The following RBM22 variants were observed in gnomAD, a reference collection of about 807,000 sequenced individuals.
The protein encoded by RBM22 is RNA binding motif protein 22.
A neutral mutation model predicts 50.1 loss-of-function variants in RBM22; 1 was observed. The ratio of observed to expected loss-of-function variants is 0.02; its 90% CI spans 0.01 to 0.09. The LOEUF is 0.09. RBM22 is among the 10% of genes least tolerant of loss of function. RBM22 has a pLI of 1.00. For missense variants in RBM22, 264 were observed against 529.3 expected, an observed-to-expected ratio of 0.50 and a Z score of 4.92; for synonymous variants, 152 against 179.0, an observed-to-expected ratio of 0.85 and a Z score of 1.20.
Position 150,691,559 on chromosome 5 carries a change from C to T in RBM22, c.*192G>A. 1 of 600,134 alleles carries T rather than the reference C, an allele frequency of 1.7e-6. No homozygotes were observed. Among genetic ancestry groups the T allele is most frequent in the Non-Finnish European group, 2.5e-6 (1 of 392,746 alleles). The allele number at this position is 600,134 out of a possible 1,614,324, so 37.2% of individuals were successfully genotyped here. A position where few individuals can be genotyped will look rare whatever the true frequency, so the allele number is the denominator to read the frequency against. On this transcript the variant is annotated 3_prime_UTR_variant, in exon 11 of 11. Coordinates refer to ENST00000199814, the MANE Select transcript of RBM22 (RefSeq NM_018047.3). Reference sequence around the variant, plus strand: ...CAGCAGTAACCAGATGTGTTAATGGCAGCTTATTTACGGTCCATCGATCCT... The same window carrying T: ...CAGCAGTAACCAGATGTGTTAATGGTAGCTTATTTACGGTCCATCGATCCT...
rs1176297148 is a variant in RBM22, at chr5:150,696,907, AG to A, written c.272-17del. The A allele has an allele frequency of 1.2e-6, 2 of 1,611,102 alleles. No individual in the cohort carries two copies. Among genetic ancestry groups the A allele is most frequent in the African/African-American group, 1.3e-5 (1 of 74,870 alleles). On this transcript the variant is annotated splice_polypyrimidine_tract_variant and intron_variant, in intron 4 of 10. Coordinates refer to ENST00000199814, the MANE Select transcript of RBM22 (RefSeq NM_018047.3). The surrounding 1 kb of genome is among the most constrained non-coding windows in gnomAD (Gnocchi z 4.3). ...ATGGGCAGGCCTGGTACAAAAAAAG[AG>A]GAAAAAGACCTCAGATGTATTTTAA...
intron 7 of RBM22, 35 bp from the exon 8 acceptor site, chr5:150,694,275 G>T (rs898897956): frequency 1.3e-6 from 2 of 1,596,026 alleles, no homozygotes; most frequent in Admixed American, 3.5e-5. Context: ...ATGAAAGTGG[G>T]AGTTAAAAAA....
intron 3 of RBM22, 90 bp from the exon 4 acceptor site, chr5:150,698,721 T>C: frequency 6.7e-7 from 1 of 1,485,322 alleles, no homozygotes; most frequent in Non-Finnish European, 9.1e-7. Flanking sequence ...CAAAAAAGGA[T>C]CCCTGAATGT....
intron 6 of RBM22, 62 bp from the exon 7 acceptor site, chr5:150,695,768 C>T: frequency 7.3e-7 from 1 of 1,365,786 alleles, no homozygotes; most frequent in Admixed American, 1.8e-5. Flanking sequence ...TGATTATCTT[C>T]CAAGAGTAGC....
chr5:150,693,033 G>A lies in RBM22; in HGVS notation c.1001-7C>T. 2 of 1,603,364 alleles carry A rather than the reference G, an allele frequency of 1.2e-6. No individual in the cohort carries two copies. On this transcript the variant is annotated splice_region_variant and splice_polypyrimidine_tract_variant and intron_variant, in intron 9 of 10. Coordinates refer to ENST00000199814, the MANE Select transcript of RBM22 (RefSeq NM_018047.3). ...GCAGGAGGAGGAGGAAGAGCTGGAGGAGAGAAAATAGTCAACACATAGAGG... is the reference window on the plus strand; with the variant it reads ...GCAGGAGGAGGAGGAAGAGCTGGAGAAGAGAAAATAGTCAACACATAGAGG...
At chr5:150,698,097 G>A (rs1759300499) in intron 4 of RBM22, among the ~76,000 whole-genome samples, 1 of 152,146 alleles carries the variant, frequency 6.6e-6, no homozygotes, top group African/African-American at 2.4e-5. Context: ...ACTCTAGCCT[G>A]GGTGTCAGAG....
chr5:150,700,562 TG>T (rs1267402162), intron 1 of RBM22, 65 bp from the exon 2 acceptor site: 3 of 1,610,592 alleles, frequency 1.9e-6, no homozygotes, highest in Non-Finnish European at 1.7e-6. Flanking sequence ...CAGTGACACT[TG>T]GGGTGGCGAG....
chr5:150,693,177 G>A (rs757608069), intron 9 of RBM22, 42 bp downstream of exon 9: 2 of 1,580,432 alleles, frequency 1.3e-6, no homozygotes, highest in Admixed American at 3.4e-5. Flanking sequence ...GGAACATCAG[G>A]GCAGAAAGAG....
In RBM22 at chr5:150,695,503, A is replaced by G; in HGVS notation, c.746+3T>C. On this transcript the variant is annotated splice_donor_region_variant and intron_variant, in intron 7 of 10. Transcript: ENST00000199814. ...AATAACTCTCTAACTTATACCCACA[A>G]ACCTTAAATCTGTCTCAGTAATGGT... The G allele has an allele frequency of 6.2e-7, 1 of 1,608,292 alleles. No individual in the cohort carries two copies. Among genetic ancestry groups the G allele is most frequent in the Non-Finnish European group, 8.5e-7 (1 of 1,175,860 alleles).
rs41287134 is a variant in RBM22 at position 150,696,984 on chromosome 5, C to T, written c.272-93G>A. 1 of 1,216,566 alleles carries T rather than the reference C, an allele frequency of 8.2e-7. No individual in the cohort carries two copies. Among genetic ancestry groups the T allele is most frequent in the Non-Finnish European group, 1.2e-6 (1 of 841,924 alleles). The allele number at this position is 1,216,566 out of a possible 1,614,324, so 75.4% of individuals were successfully genotyped here. A position where few individuals can be genotyped will look rare whatever the true frequency, so the allele number is the denominator to read the frequency against. On this transcript the variant is annotated intron_variant, in intron 4 of 10. Coordinates refer to ENST00000199814, the MANE Select transcript of RBM22 (RefSeq NM_018047.3). This position sits in a 1 kb window ranked among gnomAD's most constrained non-coding sequence, Gnocchi z 4.3. ...CAGAATACATCATCTTTCCCTTCTC[C>T]TCTTTCCTATTTAGTACCAGAGACT... is the stretch of plus-strand genomic sequence containing the variant.
chr5:150,699,365 C>T, intron 2 of RBM22, 94 bp from the exon 3 acceptor site: 1 of 1,429,776 alleles, frequency 7.0e-7, no homozygotes. Flanking sequence ...AGAAATGTGT[C>T]TGGAAATCCC....
Position 150,691,861 on chromosome 5 carries a change from G to A in RBM22, c.1153C>T (p.His385Tyr). 2 of 1,594,492 alleles carry A rather than the reference G, an allele frequency of 1.3e-6. No homozygotes were observed. The highest frequency in any genetic ancestry group is 1.7e-6 in the Non-Finnish European group (2 of 1,170,862). ...PPPGFGPHMF[H>Y]PMGPPPPFMR... ...AAAGGAGGGGGTGGTCCCATTGGGT[G>A]GAACATGTGTGGCCCAAAACCTGCA... The change falls in exon 11 of 11, where the codon CAC becomes TAC. Residue 385 changes from histidine to tyrosine, a missense_variant. By Grantham distance (83) the His-to-Tyr change is moderately conservative (BLOSUM62 2). Coordinates refer to ENST00000199814, the MANE Select transcript of RBM22 (RefSeq NM_018047.3).
Position 150,692,913 on chromosome 5 carries a change from C to A in RBM22, c.1114G>T (p.Ala372Ser). The part of the protein sequence containing the change: ...NIALPPPPGI[A>S]PPPPPGFGPH... ...AAGTTACCTGGGGGTGGGGGTGGAG[C>A]AATGCCAGGGGGCGGTGGCAGAGCA... Residue 372 changes from alanine to serine, a missense_variant, in exon 10 of 11, where the codon GCT becomes TCT. By Grantham distance (99) the Ala-to-Ser change is moderately conservative. Around this residue, in one of 7 missense-constraint regions of RBM22, gnomAD observed 106 missense variants for 137.1 expected, o/e 0.77. Transcript: ENST00000199814. 6.2e-7 allele frequency: 1 copy of A among 1,607,650 alleles called. No homozygotes were observed.
Position 150,696,414 on chromosome 5 carries a change from T to G in RBM22, c.545+119A>C. On this transcript the variant is annotated intron_variant, in intron 6 of 10. Transcript: ENST00000199814. This position sits in a 1 kb window ranked among gnomAD's most constrained non-coding sequence, Gnocchi z 4.3. Reference sequence around the variant, plus strand: ...TTTCATAGTTCTAAGACATGAGGTATACCACATTAGTTGTATGACCTTTAG... The same window carrying G: ...TTTCATAGTTCTAAGACATGAGGTAGACCACATTAGTTGTATGACCTTTAG... The G allele has an allele frequency of 9.0e-7, 1 of 1,110,298 alleles. No individual in the cohort carries two copies. The highest frequency in any genetic ancestry group is 2.4e-5 in the Admixed American group (1 of 42,464). The allele number at this position is 1,110,298 out of a possible 1,614,324, so 68.8% of individuals were successfully genotyped here.
rs534486683 is a variant in RBM22, at chr5:150,700,182, A to G, written c.108+262T>C. On this transcript the variant is annotated intron_variant, in intron 2 of 10. Transcript: ENST00000199814. ...CCTTACTATTGTATGAAAAGACACA[A>G]ACGCTCTCACCTTCTGGTCAACAGA... 5.3e-5 allele frequency among the ~76,000 whole-genome samples: 8 copies of G among 152,256 alleles called. No individual in the cohort carries two copies. In the South Asian group the frequency reaches 1.5e-3, roughly 28 times the overall value.
At chr5:150,693,705 G>A (rs1418947011) in intron 8 of RBM22, among the ~76,000 whole-genome samples, 1 of 152,136 alleles carries the variant, frequency 6.6e-6, no homozygotes, top group Admixed American at 6.5e-5. Flanking sequence ...TTAAAATAGC[G>A]ATTCTTCCCT....
chr5:150,695,361 A>T (rs1759262311), intron 7 of RBM22, 145 bp downstream of exon 7: 5 of 750,538 alleles, frequency 6.7e-6, no homozygotes, highest in Admixed American at 5.9e-5. Context: ...CAATTTTACA[A>T]AAATTCCAGT....
intron 7 of RBM22, 113 bp downstream of exon 7, chr5:150,695,389 TAGAG>T: frequency 2.2e-6 from 2 of 904,246 alleles, no homozygotes; most frequent in African/African-American, 3.3e-5. Flanking sequence ...ATACTAACAA[TAGAG>T]AGACTACAGA....
chr5:150,696,764 A>G lies in RBM22; in HGVS notation c.372+27T>C. ...ATACAGACTGTGTCAATTCATTAGG[A>G]TTTTTATCCAAAAAGTGGCAGCATA... On this transcript the variant is annotated intron_variant, in intron 5 of 10. Transcript: ENST00000199814. This position sits in a 1 kb window ranked among gnomAD's most constrained non-coding sequence, Gnocchi z 4.3. 1 of 1,613,698 alleles carries G rather than the reference A, an allele frequency of 6.2e-7. No individual in the cohort carries two copies. The highest frequency in any genetic ancestry group is 8.5e-7 in the Non-Finnish European group (1 of 1,179,602).
Sources: gnomAD v4.1 joint callset for allele counts (sites outside exome capture counted in the v4.1 genomes callset) on GRCh38, gnomAD v4.1.1 for gene constraint, gnomAD v4.1.1 regional missense constraint, Gnocchi (gnomAD v3.1) non-coding constraint, MANE v1.5 for transcripts, NCBI Gene and HGNC (gene_info 2026-07-23, HGNC 2026-07-21) for gene names.